Variants in ANGPT1 observed in about 807,000 individuals in gnomAD.
ANGPT1 encodes angiopoietin 1, also known as angiopoietin-1.
Under a neutral mutation model 62.2 loss-of-function variants are expected in ANGPT1, and 17 were observed. That is an observed-to-expected ratio of 0.27 (90% CI 0.19 to 0.41). The LOEUF is 0.41. Ranked by LOEUF, ANGPT1 falls within the 10% of genes least tolerant of loss-of-function variation. The pLI, the probability that ANGPT1 is intolerant of heterozygous loss-of-function variation, is 1.00. For synonymous variants in ANGPT1, 199 were observed against 198.9 expected, an observed-to-expected ratio of 1.00 and a Z score of 0.00; for missense variants, 478 against 594.9, an observed-to-expected ratio of 0.80 and a Z score of 2.04.
At chr8:107,490,288 C>A (rs1812924132) in intron 1 of ANGPT1, among the ~76,000 whole-genome samples, 1 of 152,208 alleles carries the variant, frequency 6.6e-6, no homozygotes, top group Admixed American at 6.5e-5. Flanking sequence ...CAGGATGAAA[C>A]AGGCACATAG....
chr8:107,257,739 C>T (rs1003182492), intron 8 of ANGPT1, among the ~76,000 whole-genome samples: 1 of 152,026 alleles, frequency 6.6e-6, no homozygotes, highest in Non-Finnish European at 1.5e-5. Flanking sequence ...TTTATGTGGA[C>T]AAAGTTGGCC....
chr8:107,428,014 A>G (rs1452293889), intron 1 of ANGPT1, among the ~76,000 whole-genome samples: 1 of 152,182 alleles, frequency 6.6e-6, no homozygotes, highest in Non-Finnish European at 1.5e-5. Context: ...AAATTGAAGA[A>G]GCCATATTTT....
chr8:107,440,651 A>G (rs1811451283), intron 1 of ANGPT1, among the ~76,000 whole-genome samples: 1 of 152,248 alleles, frequency 6.6e-6, no homozygotes, highest in African/African-American at 2.4e-5. Flanking sequence ...AAAGCAATGT[A>G]TAATACCATA....
chr8:107,436,043 C>T (rs1385109222), intron 1 of ANGPT1, among the ~76,000 whole-genome samples: 1 of 152,138 alleles, frequency 6.6e-6, no homozygotes, highest in Non-Finnish European at 1.5e-5. Context: ...GCTGGGACCA[C>T]AGGAGTGCAC....
At chr8:107,343,470 T>C (rs1308979945) in intron 2 of ANGPT1, among the ~76,000 whole-genome samples, 1 of 152,146 alleles carries the variant, frequency 6.6e-6, no homozygotes, top group East Asian at 1.9e-4. Flanking sequence ...CAGGCCTACA[T>C]ATCCCTGCCA....
At chr8:107,450,426 T>C (rs1811738833) in intron 1 of ANGPT1, among the ~76,000 whole-genome samples, 1 of 152,060 alleles carries the variant, frequency 6.6e-6, no homozygotes, top group Non-Finnish European at 1.5e-5. Flanking sequence ...GCAATATAGA[T>C]GAGTTTCCCC....
intron 1 of ANGPT1, among the ~76,000 whole-genome samples, chr8:107,363,449 T>G (rs1011405946): frequency 6.6e-6 from 1 of 152,170 alleles, no homozygotes; most frequent in African/African-American, 2.4e-5. Flanking sequence ...CTGATTTATA[T>G]TTACGTGAGA....
chr8:107,424,313 A>G (rs1179080149), intron 1 of ANGPT1, among the ~76,000 whole-genome samples: 1 of 152,182 alleles, frequency 6.6e-6, no homozygotes, highest in African/African-American at 2.4e-5. Flanking sequence ...AAAAAATAAA[A>G]TGGTTAAACT....
intron 1 of ANGPT1, among the ~76,000 whole-genome samples, chr8:107,394,704 T>C (rs1010731388): frequency 6.6e-6 from 1 of 151,964 alleles, no homozygotes; most frequent in African/African-American, 2.4e-5. Flanking sequence ...AGAATAAATC[T>C]ATGTGATTTT....
chr8:107,332,627 T>C (rs1815450330), intron 3 of ANGPT1, among the ~76,000 whole-genome samples: 1 of 152,194 alleles, frequency 6.6e-6, no homozygotes, highest in South Asian at 2.1e-4. Context: ...ATCCTAACCA[T>C]AAAATATTCC....
At chr8:107,269,802 T>C (rs1372687321) in intron 7 of ANGPT1, among the ~76,000 whole-genome samples, 1 of 151,726 alleles carries the variant, frequency 6.6e-6, no homozygotes, top group Non-Finnish European at 1.5e-5. Flanking sequence ...TTCTCATCCA[T>C]GTATTTTCTC....
chr8:107,289,761 T>C (rs1260170682), intron 6 of ANGPT1, among the ~76,000 whole-genome samples: 2 of 152,088 alleles, frequency 1.3e-5, no homozygotes, highest in African/African-American at 4.8e-5. Flanking sequence ...AAGCTCTGTT[T>C]ATGGGGGTAA....
intron 1 of ANGPT1, among the ~76,000 whole-genome samples, chr8:107,379,550 T>TA (rs33922668): frequency 0.68 from 101,130 of 148,904 alleles, 36,900 homozygotes; most frequent in East Asian, 0.86. Context: ...CAGAGGAGGT[T>TA]AAAAAAAAAA....
In ANGPT1 at chr8:107,257,810, C is replaced by T. The variant is rs565158084; in HGVS notation, c.1337-5795G>A. On this transcript the variant is annotated intron_variant, in intron 8 of 8. Transcript: ENST00000517746. ...GTCTTGCATGCAGGAGGCAAAGAAC[C>T]TTGCTAGAAGTCCATTCCTTCTGTC... 1.0e-4 allele frequency among the ~76,000 whole-genome samples: 15 copies of T among 149,990 alleles called. No individual in the cohort carries two copies. The South Asian group carries it at 3.2e-3, about 32-fold the overall frequency.
intron 7 of ANGPT1, among the ~76,000 whole-genome samples, chr8:107,272,907 A>G (rs1215612304): frequency 3.4e-5 from 5 of 147,658 alleles, no homozygotes; most frequent in Non-Finnish European, 7.4e-5. Flanking sequence ...AAAAAAACTG[A>G]GTGCCAAAAT....
chr8:107,290,602 C>A (rs1361333630), intron 6 of ANGPT1, among the ~76,000 whole-genome samples: 1 of 152,128 alleles, frequency 6.6e-6, no homozygotes, highest in Admixed American at 6.6e-5. Context: ...TGTGTTTTAA[C>A]CATCTTGTAA....
Position 107,478,028 on chromosome 8 carries a change from C to T in ANGPT1, c.297+19234G>A, listed in dbSNP as rs181321969. ...GCTTCGGTAGTAAAAAATGAAGTTA[C>T]CAATGGAAAAACCCTGTTCCAAAAT... On this transcript the variant is annotated intron_variant, in intron 1 of 8. Transcript: ENST00000517746. Among the ~76,000 whole-genome samples the T allele has an allele frequency of 6.8e-4, 101 of 148,270 alleles. 2 individuals are homozygous for T. Among genetic ancestry groups the T allele is most frequent in the African/African-American group, 2.3e-3 (94 of 40,482 alleles).
intron 8 of ANGPT1, among the ~76,000 whole-genome samples, chr8:107,261,428 G>A (rs749034965): frequency 1.3e-5 from 2 of 152,068 alleles, no homozygotes; most frequent in African/African-American, 2.4e-5. Context: ...ACATGAAGCC[G>A]GGCACGGTGG....
In ANGPT1 at chr8:107,336,197, T is replaced by G. The variant is rs911559395; in HGVS notation, c.528A>C (p.Gln176His). The change falls in exon 3 of 9, where the codon CAA (glutamine) becomes CAC (histidine). Residue 176 changes from glutamine (Q) to histidine (H), a missense_variant. By Grantham distance (24) the Gln-to-His change is conservative. This residue lies in a region of ANGPT1 where 343 missense variants were observed against 355.4 expected (regional missense o/e 0.97). Transcript: ENST00000517746. ...AGATTTCATTTGTCTGTTGAAGAAG[T>G]TGCTTCTCTAGCTTGTAGGTGGATA... ...NSLSTYKLEK[Q>H]LLQQTNEILK... 1 of 1,609,798 alleles carries G rather than the reference T, an allele frequency of 6.2e-7. No homozygotes were observed. Among genetic ancestry groups the G allele is most frequent in the Admixed American group, 1.7e-5 (1 of 58,936 alleles).
Sources: allele counts gnomAD v4.1 joint callset (sites outside exome capture counted in the v4.1 genomes callset), GRCh38; gene constraint gnomAD v4.1.1; regional missense constraint gnomAD v4.1.1; transcripts MANE v1.5; gene names NCBI Gene and HGNC (gene_info 2026-07-23, HGNC 2026-07-21).